CAPN9: variants seen among roughly 807,000 people sequenced by gnomAD.
CAPN9 encodes calpain-9.
In CAPN9, 81 loss-of-function variants were observed where a neutral mutation model predicts 92.8. The observed-to-expected ratio is 0.87, with a 90% CI of 0.73 to 1.05. The LOEUF (loss-of-function observed/expected upper bound fraction) is 1.05, where lower values mean the gene tolerates loss of function less well. Among genes scored for constraint, CAPN9 ranks in the 50% least tolerant of loss-of-function variants. The pLI, the probability that CAPN9 is intolerant of heterozygous loss-of-function variation, is 0.00. For missense variants in CAPN9, 848 were observed against 866.2 expected (o/e 0.98, Z 0.26); for synonymous variants, 304 against 328.0 (o/e 0.93, Z 0.79).
At chr1:230,785,270 T>A (rs538305447) in intron 11 of CAPN9, among the ~76,000 whole-genome samples, 163 of 152,332 alleles carry the variant, frequency 1.1e-3, no homozygotes, top group Non-Finnish European at 1.6e-3. Context: ...GAGTTAATGC[T>A]GGAATGACTT....
In CAPN9 at chr1:230,779,196, A is replaced by C; in HGVS notation, c.1114+63A>C. On this transcript the variant is annotated intron_variant, in intron 9 of 19. Coordinates refer to ENST00000271971, the MANE Select transcript of CAPN9 (RefSeq NM_006615.3). ...AGTGTCCCTTCCAACTCAGGACACCAAAGGATAAGGGCCGGGTCCTCAGAG... is the reference window on the plus strand; with the variant it reads ...AGTGTCCCTTCCAACTCAGGACACCCAAGGATAAGGGCCGGGTCCTCAGAG... 3 of 1,509,822 alleles carry C rather than the reference A, an allele frequency of 2.0e-6. No homozygotes were observed. The South Asian group carries it at 3.5e-5, about 18-fold the overall frequency. The allele number at this position is 1,509,822 out of a possible 1,614,324, so 93.5% of individuals were successfully genotyped here.
At position 230,800,223 on chromosome 1, in the gene CAPN9, G is replaced by A. The variant is rs1478712559; in HGVS notation, c.2047-1347G>A. On this transcript the variant is annotated intron_variant, in intron 19 of 19. Coordinates refer to ENST00000271971, the MANE Select transcript of CAPN9 (RefSeq NM_006615.3). The stretch of plus-strand genomic sequence containing the variant: ...AAAGAAAGAAAAGAAAGAAAAATAA[G>A]AAAGAAAGAAGAAAGAAAGAAAGAA... Among the ~76,000 whole-genome samples, 4 of 37,416 alleles carry A rather than the reference G, an allele frequency of 1.1e-4. No homozygotes were observed. In the East Asian group the frequency reaches 1.7e-3, roughly 16 times the overall value. The allele number at this position is 37,416 out of a possible 152,430, so 24.5% of individuals were successfully genotyped here. A position where few individuals can be genotyped will look rare whatever the true frequency, so the allele number is the denominator to read the frequency against.
At chr1:230,795,709 T>C (rs1032412359) in intron 18 of CAPN9, among the ~76,000 whole-genome samples, 3 of 152,000 alleles carry the variant, frequency 2.0e-5, no homozygotes, top group Admixed American at 6.6e-5. Flanking sequence ...AGAGAGGGAT[T>C]ATGTGCCCGT....
chr1:230,782,251 C>A (rs1181230895), intron 11 of CAPN9, among the ~76,000 whole-genome samples: 1 of 152,186 alleles, frequency 6.6e-6, no homozygotes, highest in Non-Finnish European at 1.5e-5. Flanking sequence ...AGAATCAGCT[C>A]TGTAGCTTGG....
chr1:230,785,695 T>C (rs960367161), intron 11 of CAPN9, among the ~76,000 whole-genome samples: 1 of 152,184 alleles, frequency 6.6e-6, no homozygotes, highest in Non-Finnish European at 1.5e-5. Context: ...GCCAATCAAA[T>C]CTCTTTTCTT....
intron 4 of CAPN9, 46 bp downstream of exon 4, chr1:230,762,832 T>G (rs371924129): frequency 6.3e-7 from 1 of 1,585,608 alleles, no homozygotes; most frequent in Non-Finnish European, 8.6e-7. Context: ...GACAGGAGTC[T>G]CTACACTAGT....
chr1:230,757,691 G>A (rs559082029), intron 2 of CAPN9, among the ~76,000 whole-genome samples: 1 of 140,298 alleles, frequency 7.1e-6, no homozygotes, highest in East Asian at 2.2e-4. Flanking sequence ...AGACTAGCCT[G>A]GGCAACATAG....
At chr1:230,750,107 C>A (rs1664670887) in intron 1 of CAPN9, among the ~76,000 whole-genome samples, 2 of 152,168 alleles carry the variant, frequency 1.3e-5, no homozygotes. Context: ...GGGCTGTCTT[C>A]CTTAGTATTA....
intron 3 of CAPN9, among the ~76,000 whole-genome samples, chr1:230,761,223 G>A (rs1439876607): frequency 6.6e-6 from 1 of 152,124 alleles, no homozygotes; most frequent in African/African-American, 2.4e-5. Context: ...CTAGGAAGCA[G>A]AGCTTTGGAA....
At chr1:230,786,946 T>A (rs919815990) in intron 12 of CAPN9, among the ~76,000 whole-genome samples, 1 of 151,990 alleles carries the variant, frequency 6.6e-6, no homozygotes, top group Admixed American at 6.6e-5. Context: ...TGAGATACTA[T>A]AGCTGGAAAT....
At chr1:230,795,817 C>T (rs962776195) in intron 18 of CAPN9, among the ~76,000 whole-genome samples, 4 of 152,124 alleles carry the variant, frequency 2.6e-5, no homozygotes, top group Admixed American at 1.3e-4. Context: ...GCCTGTAACT[C>T]AGTACTGGAG....
chr1:230,761,978 T>C (rs3790958), intron 3 of CAPN9, among the ~76,000 whole-genome samples: 10,100 of 152,282 alleles, frequency 0.066, 523 homozygotes, highest in East Asian at 0.26. Flanking sequence ...AGCAAACACA[T>C]GCTTTCACAC....
intron 2 of CAPN9, among the ~76,000 whole-genome samples, chr1:230,756,490 T>C (rs1665234728): frequency 6.6e-6 from 1 of 152,116 alleles, no homozygotes; most frequent in South Asian, 2.1e-4. Context: ...TAAATAATGA[T>C]AGGAAGGTAG....
chr1:230,771,938 G>C, intron 6 of CAPN9, 76 bp from the exon 7 acceptor site: 1 of 1,180,584 alleles, frequency 8.5e-7, no homozygotes, highest in Non-Finnish European at 1.3e-6. Context: ...TGGTCCACCT[G>C]GAGCTCATAG....
chr1:230,762,541 A>G (rs57491130), intron 3 of CAPN9, 112 bp from the exon 4 acceptor site: 9 of 1,272,364 alleles, frequency 7.1e-6, no homozygotes, highest in African/African-American at 3.0e-5. Flanking sequence ...AAAGCTGTCT[A>G]TGGGTAGCTT....
intron 1 of CAPN9, 134 bp downstream of exon 1, chr1:230,747,843 G>A (rs553516122): frequency 3.2e-5 from 25 of 788,176 alleles, no homozygotes; most frequent in Middle Eastern, 3.3e-4. Flanking sequence ...CCAGTCTACC[G>A]TGGAAAGCTT....
rs771128858 is a variant in CAPN9 at position 230,774,635 on chromosome 1, C to G, written c.953+4C>G. 2.5e-6 allele frequency: 4 copies of G among 1,611,120 alleles called. No homozygotes were observed. In the East Asian group the frequency reaches 8.9e-5, roughly 36 times the overall value. On this transcript the variant is annotated splice_donor_region_variant and intron_variant, in intron 8 of 19. Coordinates refer to ENST00000271971, the MANE Select transcript of CAPN9 (RefSeq NM_006615.3). The stretch of plus-strand genomic sequence containing the variant: ...CTCTGGATGATGGGGAATTCTGGTA[C>G]CGTGCTTGTTCCTGTGTTAACTGCA...
intron 18 of CAPN9, among the ~76,000 whole-genome samples, chr1:230,796,396 A>T (rs1163746785): frequency 1.3e-5 from 2 of 151,722 alleles, no homozygotes; most frequent in Non-Finnish European, 2.9e-5. Context: ...AAATTAAAAT[A>T]AAAAGGTGAG....
At chr1:230,758,074 G>A (rs1292263508) in intron 2 of CAPN9, among the ~76,000 whole-genome samples, 3 of 152,190 alleles carry the variant, frequency 2.0e-5, no homozygotes, top group Non-Finnish European at 4.4e-5. Context: ...GCCCAAGAGA[G>A]AGAAAAGCAA....
Sources: allele counts gnomAD v4.1 joint callset (sites outside exome capture counted in the v4.1 genomes callset), GRCh38; gene constraint gnomAD v4.1.1; transcripts MANE v1.5; gene names NCBI Gene and HGNC (gene_info 2026-07-23, HGNC 2026-07-21).